Variants in FOXP2 observed in about 807,000 individuals in gnomAD.
FOXP2 encodes the protein forkhead box protein P2.
A neutral mutation model predicts 115.8 loss-of-function variants in FOXP2; 12 were observed. The observed-to-expected ratio is 0.10, with a 90% CI of 0.07 to 0.17. The LOEUF (loss-of-function observed/expected upper bound fraction) is 0.17, where lower values mean the gene tolerates loss of function less well. Among genes scored for constraint, FOXP2 ranks in the 10% least tolerant of loss-of-function variants. FOXP2 has a pLI of 1.00. For missense variants in FOXP2, 629 were observed against 843.5 expected (o/e 0.75, Z 3.15); for synonymous variants, 328 against 297.7 (o/e 1.10, Z -1.05).
chr7:114,314,980 G>C (rs1003938238), intron 2 of FOXP2, among the ~76,000 whole-genome samples: 9 of 152,106 alleles, frequency 5.9e-5, no homozygotes, highest in African/African-American at 1.9e-4. Context: ...AAAAAAAGTG[G>C]TTCTAAAACG....
intron 2 of FOXP2, among the ~76,000 whole-genome samples, chr7:114,430,966 C>T (rs1051040622): frequency 6.6e-5 from 10 of 151,768 alleles, no homozygotes; most frequent in Non-Finnish European, 1.2e-4. Flanking sequence ...GGTATACTCT[C>T]GTTTCTATTA....
chr7:114,351,346 C>A (rs978478621), intron 2 of FOXP2, among the ~76,000 whole-genome samples: 1 of 151,988 alleles, frequency 6.6e-6, no homozygotes, highest in Non-Finnish European at 1.5e-5. Flanking sequence ...GACTTAGTAA[C>A]TATGTTGCAT....
chr7:114,524,777 T>G (rs992258709), intron 2 of FOXP2, among the ~76,000 whole-genome samples: 2 of 152,142 alleles, frequency 1.3e-5, no homozygotes, highest in African/African-American at 2.4e-5. Flanking sequence ...ATTTCTACAT[T>G]GCGACGTAAT....
intron 2 of FOXP2, among the ~76,000 whole-genome samples, chr7:114,481,810 A>ATC (rs1227417535): frequency 7.8e-4 from 115 of 147,978 alleles, no homozygotes; most frequent in African/African-American, 2.3e-3. Context: ...CTATCTATCT[A>ATC]TATATCTATC....
At chr7:114,574,663 CTTA>C (rs1411475990) in intron 3 of FOXP2, among the ~76,000 whole-genome samples, 1 of 151,878 alleles carries the variant, frequency 6.6e-6, no homozygotes, top group Admixed American at 6.6e-5. Context: ...TGCAAGTAAT[CTTA>C]TTGTTAGTGT....
At chr7:114,161,654 G>GTA (rs549643391), upstream of FOXP2, among the ~76,000 whole-genome samples, 1 of 151,440 alleles carries the variant, frequency 6.6e-6, no homozygotes, top group Non-Finnish European at 1.5e-5. Context: ...GTGTGTGCGT[G>GTA]TATATATATA....
chr7:114,575,818 A>T (rs1318216565), intron 3 of FOXP2, among the ~76,000 whole-genome samples: 3 of 151,962 alleles, frequency 2.0e-5, no homozygotes, highest in African/African-American at 2.4e-5. Context: ...TTAAAGATAA[A>T]TTACTACTTA....
In FOXP2 at chr7:114,258,337, G is replaced by T. The variant is rs189764636; in HGVS notation, c.-101-29682G>T. ...TGTGTTTGGTGGATATCCTATGATT[G>T]GTTAATGTTCCTATGCAAAGGAAGA... is the stretch of plus-strand genomic sequence containing the variant. On this transcript the variant is annotated intron_variant, in intron 1 of 17. Coordinates refer to the FOXP2 transcript ENST00000634411. 2.1e-3 allele frequency among the ~76,000 whole-genome samples: 313 copies of T among 152,266 alleles called. 1 individual carries two copies. Among genetic ancestry groups the T allele is most frequent in the Non-Finnish European group, 3.6e-3 (245 of 68,016 alleles).
chr7:114,476,450 G>T (rs1796265840), intron 2 of FOXP2, among the ~76,000 whole-genome samples: 1 of 151,906 alleles, frequency 6.6e-6, no homozygotes, highest in Admixed American at 6.6e-5. Flanking sequence ...CATTATTTCT[G>T]AGTTTTCTAT....
intron 2 of FOXP2, among the ~76,000 whole-genome samples, chr7:114,399,114 CT>C (rs66789053): frequency 9.1e-4 from 128 of 141,370 alleles, no homozygotes; most frequent in Middle Eastern, 3.7e-3. Flanking sequence ...TTTTCTTTTT[CT>C]TTTTTTTTTT....
At chr7:114,090,517 C>A (rs536168403) in intron 1 of FOXP2, among the ~76,000 whole-genome samples, 71 of 151,784 alleles carry the variant, frequency 4.7e-4, no homozygotes. Flanking sequence ...TTATGTAGCC[C>A]TTAATTCATA....
chr7:114,597,380 A>C (rs1399850439), intron 3 of FOXP2, among the ~76,000 whole-genome samples: 1 of 152,142 alleles, frequency 6.6e-6, no homozygotes, highest in Non-Finnish European at 1.5e-5. Flanking sequence ...TTAAAAGCAA[A>C]GTATTGGTGG....
intron 1 of FOXP2, among the ~76,000 whole-genome samples, chr7:114,176,348 C>G (rs945399672): frequency 6.7e-6 from 1 of 148,484 alleles, no homozygotes; most frequent in African/African-American, 2.5e-5. Context: ...CTCTCTCTCT[C>G]TCTCTTTCTT....
intron 1 of FOXP2, among the ~76,000 whole-genome samples, chr7:114,152,001 G>A (rs1279354200): frequency 6.6e-6 from 1 of 152,018 alleles, no homozygotes; most frequent in Admixed American, 6.6e-5. Context: ...TAGTGCACGC[G>A]ATTTCATTAT....
At chr7:114,087,887 G>A (rs1799456345) in intron 1 of FOXP2, 1 of 152,138 alleles carries the variant, frequency 6.6e-6, no homozygotes, top group African/African-American at 2.4e-5. Context: ...TTGATTAGAA[G>A]GAACGTGAGG....
chr7:114,501,105 A>T (rs2129252378), intron 2 of FOXP2, among the ~76,000 whole-genome samples: 1 of 152,286 alleles, frequency 6.6e-6, no homozygotes, highest in South Asian at 2.1e-4. Flanking sequence ...TTCTTGATTC[A>T]ATGAGAAAAA....
At position 114,405,856 on chromosome 7, in the gene FOXP2, A is replaced by G. The variant is rs7456695; in HGVS notation, c.-10-20646A>G. 5.9e-3 allele frequency among the ~76,000 whole-genome samples: 901 copies of G among 151,992 alleles called. 7 individuals are homozygous for G. The Middle Eastern group carries it at 0.088, about 15-fold the overall frequency. ...TTTTTGGAAAATTTATATAAATAGC[A>G]TATTGGCTCTCTTGCTCCCTCTTTT... On this transcript the variant is annotated intron_variant, in intron 2 of 17. Transcript: ENST00000634411.
chr7:114,393,505 G>C, intron 2 of FOXP2, among the ~76,000 whole-genome samples: 1 of 152,014 alleles, frequency 6.6e-6, no homozygotes, highest in African/African-American at 2.4e-5. Context: ...ACATAGAAGA[G>C]CAGCCTGGCA....
chr7:114,460,115 CATTTATTT>C (rs145876718), intron 2 of FOXP2, among the ~76,000 whole-genome samples: 14 of 151,996 alleles, frequency 9.2e-5, no homozygotes, highest in African/African-American at 3.4e-4. Context: ...ATGAAAATCA[CATTTATTT>C]ATTTATTTAT....
Sources: gnomAD v4.1 joint callset for allele counts (sites outside exome capture counted in the v4.1 genomes callset) on GRCh38, gnomAD v4.1.1 for gene constraint, MANE v1.5 for transcripts, NCBI Gene and HGNC (gene_info 2026-07-23, HGNC 2026-07-21) for gene names.